Variants in PRKCH observed in about 807,000 individuals in gnomAD.
The protein encoded by PRKCH is protein kinase C eta, also known as protein kinase C eta type.
Under a neutral mutation model 82.5 loss-of-function variants are expected in PRKCH, and 28 were observed. The ratio of observed to expected loss-of-function variants is 0.34; its 90% CI spans 0.25 to 0.47. PRKCH has a LOEUF of 0.47. Ranked by LOEUF, PRKCH falls within the 20% of genes least tolerant of loss-of-function variation. The pLI, the probability that PRKCH is intolerant of heterozygous loss-of-function variation, is 1.00. For synonymous variants in PRKCH, 322 were observed against 327.4 expected (o/e 0.98, Z 0.18); for missense variants, 705 against 881.8 (o/e 0.80, Z 2.54).
chr14:61,259,075 G>A (rs2045023206), intron 1 of PRKCH, among the ~76,000 whole-genome samples: 1 of 152,164 alleles, frequency 6.6e-6, no homozygotes, highest in Admixed American at 6.6e-5. Flanking sequence ...TGTTGTCACT[G>A]TGATGTCTTC....
At chr14:61,395,301 C>CCA (rs1244338303) in intron 2 of PRKCH, among the ~76,000 whole-genome samples, 6 of 146,660 alleles carry the variant, frequency 4.1e-5, no homozygotes, top group South Asian at 2.3e-4. Flanking sequence ...CCCCCCCCCG[C>CCA]ATTTGCCTGC....
At chr14:61,479,588 C>T (rs1054279892) in intron 9 of PRKCH, among the ~76,000 whole-genome samples, 1 of 152,194 alleles carries the variant, frequency 6.6e-6, no homozygotes, top group East Asian at 1.9e-4. Context: ...TTCATCCACC[C>T]GGATGTTATG....
At chr14:61,321,352 C>T (rs1365560545), upstream of PRKCH, among the ~76,000 whole-genome samples, 1 of 152,228 alleles carries the variant, frequency 6.6e-6, no homozygotes, top group African/African-American at 2.4e-5. The surrounding 1 kb of genome is among the most constrained non-coding windows in gnomAD (Gnocchi z 4.1). Context: ...CAGGTGTTTG[C>T]TCGGGCTGGG....
intron 10 of PRKCH, among the ~76,000 whole-genome samples, chr14:61,514,306 T>C (rs968780538): frequency 3.2e-5 from 4 of 126,954 alleles, no homozygotes; most frequent in Non-Finnish European, 6.8e-5. Context: ...TTTAATACTC[T>C]TCTCCTTTAA....
chr14:61,336,333 A>G (rs2045857009), intron 1 of PRKCH, among the ~76,000 whole-genome samples: 1 of 152,230 alleles, frequency 6.6e-6, no homozygotes, highest in Non-Finnish European at 1.5e-5. Context: ...GGAAGAGAAG[A>G]TGGCTTCCTT....
At chr14:61,241,985 A>G (rs1440879523) in intron 1 of PRKCH, among the ~76,000 whole-genome samples, 1 of 152,200 alleles carries the variant, frequency 6.6e-6, no homozygotes, top group Non-Finnish European at 1.5e-5. Context: ...CCACCTCCCC[A>G]TTACAAAAGA....
At position 61,391,299 on chromosome 14, in the gene PRKCH, GTTTTGGGTAGT is replaced by G. The variant is rs761588473; in HGVS notation, c.427+14_427+24del. On this transcript the variant is annotated intron_variant, in intron 2 of 13. Transcript: ENST00000332981. ...GGAGTTTCACTGAAGGTAAGAATGA[GTTTTGGGTAGT>G]TTCCAGAATACATGTAATCTTGGTT... The G allele has an allele frequency of 3.8e-6, 6 of 1,593,058 alleles. No individual in the cohort carries two copies. In the African/African-American group the frequency reaches 5.4e-5, roughly 14 times the overall value.
chr14:61,356,356 T>A (rs1566835958), intron 1 of PRKCH, among the ~76,000 whole-genome samples: 3 of 152,130 alleles, frequency 2.0e-5, no homozygotes, highest in African/African-American at 4.8e-5. Flanking sequence ...ATCCAGATGG[T>A]TTGTGATCTG....
chr14:61,522,980 T>G (rs1296689301), intron 10 of PRKCH, among the ~76,000 whole-genome samples: 5 of 152,248 alleles, frequency 3.3e-5, no homozygotes, highest in Non-Finnish European at 7.3e-5. Flanking sequence ...TTTAATACAA[T>G]CCATCTTGCT....
intron 5 of PRKCH, among the ~76,000 whole-genome samples, chr14:61,449,892 CTCTCTCTCTG>C (rs756751191): frequency 0.067 from 1,655 of 24,664 alleles, 11 homozygotes; most frequent in African/African-American, 0.078. Flanking sequence ...CTCTCTCTCT[CTCTCTCTCTG>C]TGTGTGTGTG....
chr14:61,425,258 C>T (rs1189983666), intron 2 of PRKCH, among the ~76,000 whole-genome samples: 1 of 152,172 alleles, frequency 6.6e-6, no homozygotes, highest in Admixed American at 6.5e-5. Context: ...CATCTGCTTG[C>T]ACTGGGCACC....
intron 9 of PRKCH, chr14:61,476,212 C>G (rs1279799723): frequency 6.6e-6 from 1 of 152,126 alleles, no homozygotes; most frequent in Non-Finnish European, 1.5e-5. Flanking sequence ...TACCAGGAGA[C>G]AAAAATGGTT....
intron 1 of PRKCH, among the ~76,000 whole-genome samples, chr14:61,390,207 G>A (rs1244153905): frequency 6.6e-6 from 1 of 152,210 alleles, no homozygotes; most frequent in Admixed American, 6.5e-5. Context: ...AACAGAGCCA[G>A]AGGTGCTGTT....
At chr14:61,351,416 A>T (rs2046072324) in intron 1 of PRKCH, among the ~76,000 whole-genome samples, 1 of 152,210 alleles carries the variant, frequency 6.6e-6, no homozygotes, top group African/African-American at 2.4e-5. Flanking sequence ...TGGCATGTCA[A>T]GGAGGCAGGC....
At chr14:61,505,683 T>C (rs1316499011) in intron 10 of PRKCH, among the ~76,000 whole-genome samples, 1 of 152,040 alleles carries the variant, frequency 6.6e-6, no homozygotes. Context: ...CCGGATTTCT[T>C]TTCTAAGGGC....
intron 1 of PRKCH, among the ~76,000 whole-genome samples, chr14:61,217,382 A>G (rs1158074988): frequency 6.6e-6 from 1 of 152,182 alleles, no homozygotes; most frequent in Non-Finnish European, 1.5e-5. Context: ...ACTACACTCC[A>G]GCCTAGGTGA....
intron 1 of PRKCH, among the ~76,000 whole-genome samples, chr14:61,250,459 C>T (rs927398257): frequency 6.6e-6 from 1 of 151,952 alleles, no homozygotes. Context: ...AACTTAAATG[C>T]GTTTTACTGA....
chr14:61,256,782 C>A (rs956795143), intron 1 of PRKCH, among the ~76,000 whole-genome samples: 4 of 152,162 alleles, frequency 2.6e-5, no homozygotes, highest in Admixed American at 6.5e-5. Flanking sequence ...ATGAAAGAAA[C>A]CTTATATACC....
At chr14:61,330,592 A>T (rs2045771762) in intron 1 of PRKCH, among the ~76,000 whole-genome samples, 1 of 152,364 alleles carries the variant, frequency 6.6e-6, no homozygotes, top group Non-Finnish European at 1.5e-5. Flanking sequence ...AACAACAAAA[A>T]GCCTGATAGC....
Sources: allele counts gnomAD v4.1 joint callset (sites outside exome capture counted in the v4.1 genomes callset), GRCh38; gene constraint gnomAD v4.1.1; non-coding constraint Gnocchi (gnomAD v3.1); transcripts MANE v1.5; gene names NCBI Gene and HGNC (gene_info 2026-07-23, HGNC 2026-07-21).